Variants in ADAMTS20 observed in about 807,000 individuals in gnomAD.
ADAMTS20 encodes the protein A disintegrin and metalloproteinase with thrombospondin motifs 20.
ADAMTS20 carries 225 observed loss-of-function variants against 260.1 expected under a neutral mutation model. That is an observed-to-expected ratio of 0.87 (90% CI 0.78 to 0.97). The LOEUF is 0.97. Ranked by LOEUF, ADAMTS20 falls within the 50% of genes least tolerant of loss-of-function variation. The pLI is 0.00. For synonymous variants in ADAMTS20, 802 were observed against 769.5 expected (o/e 1.04, Z -0.70); for missense variants, 2,400 against 2,337.7 (o/e 1.03, Z -0.55).
rs186185530 is a variant in ADAMTS20 at position 43,479,359 on chromosome 12, A to G, written c.1118-10654T>C. Among the ~76,000 whole-genome samples, 126 of 152,316 alleles carry G rather than the reference A, an allele frequency of 8.3e-4. 1 individual carries two copies. The highest frequency in any genetic ancestry group is 9.2e-4 in the Admixed American group (14 of 15,300). Reference sequence around the variant, plus strand: ...ACACAATTAGCAAATTTGATTTAATAGACAAATACAGAACTCAAAGAATAT... The same window carrying G: ...ACACAATTAGCAAATTTGATTTAATGGACAAATACAGAACTCAAAGAATAT... On this transcript the variant is annotated intron_variant, in intron 7 of 38. Coordinates refer to ENST00000389420, the MANE Select transcript of ADAMTS20 (RefSeq NM_025003.5).
chr12:43,531,361 G>T (rs2137502571), intron 3 of ADAMTS20, among the ~76,000 whole-genome samples: 1 of 151,698 alleles, frequency 6.6e-6, no homozygotes, highest in Non-Finnish European at 1.5e-5. Context: ...TAATACTAAT[G>T]TGACTAACAG....
chr12:43,413,545 C>G (rs1941072788), intron 28 of ADAMTS20, among the ~76,000 whole-genome samples: 1 of 151,930 alleles, frequency 6.6e-6, no homozygotes, highest in Non-Finnish European at 1.5e-5. Flanking sequence ...TAGAGTAATT[C>G]TTACTATTAA....
intron 23 of ADAMTS20, 40 bp from the exon 24 acceptor site, chr12:43,429,764 A>G (rs757657761): frequency 2.3e-6 from 3 of 1,298,600 alleles, no homozygotes; most frequent in South Asian, 2.8e-5. Flanking sequence ...ACATTAATTA[A>G]TGACTGATTT....
rs1346442212 is a variant in ADAMTS20 at position 43,493,019 on chromosome 12, A to G, written c.951+151T>C. ...GTTGTCATTCTATTTTATTTCCATC[A>G]CAACAAATAAGGGTAATCTCATTCC... On this transcript the variant is annotated intron_variant, in intron 5 of 38. Coordinates refer to ENST00000389420, the MANE Select transcript of ADAMTS20 (RefSeq NM_025003.5). The G allele has an allele frequency of 9.4e-5, 60 of 636,634 alleles. No homozygotes were observed. In the Admixed American group the frequency reaches 1.9e-3, roughly 20 times the overall value. 39.4% of individuals were successfully genotyped at this position (636,634 alleles called of 1,614,324 possible). A position where few individuals can be genotyped will look rare whatever the true frequency, so the allele number is the denominator to read the frequency against.
At chr12:43,524,670 T>C (rs1943117374) in intron 3 of ADAMTS20, among the ~76,000 whole-genome samples, 1 of 152,032 alleles carries the variant, frequency 6.6e-6, no homozygotes, top group African/African-American at 2.4e-5. Flanking sequence ...GAAAAATCAA[T>C]CAGAACTTCT....
chr12:43,354,911 C>A (rs907446536), intron 38 of ADAMTS20, among the ~76,000 whole-genome samples: 4 of 152,144 alleles, frequency 2.6e-5, no homozygotes, highest in Admixed American at 2.6e-4. Context: ...ATAAGCAGAG[C>A]AGTTCACTGA....
chr12:43,468,621 A>ATT lies in ADAMTS20; in HGVS notation c.1201_1202insAA (p.Ile401LysfsTer2). 6.2e-7 allele frequency: 1 copy of ATT among 1,609,290 alleles called. No individual in the cohort carries two copies. The highest frequency in any genetic ancestry group is 1.1e-5 in the South Asian group (1 of 90,574). On this transcript the variant is annotated frameshift_variant, in exon 8 of 39. Coordinates refer to ENST00000389420, the MANE Select transcript of ADAMTS20 (RefSeq NM_025003.5). LOFTEE classifies it high-confidence loss of function. ...TTACGTGTGCCCAAGCTCATGGGCT[A>ATT]TAGTAAAAGCAGAAATGAGTCCTTT...
intron 11 of ADAMTS20, among the ~76,000 whole-genome samples, chr12:43,456,122 A>AT (rs1466136043): frequency 6.6e-6 from 1 of 152,184 alleles, no homozygotes; most frequent in Non-Finnish European, 1.5e-5. Flanking sequence ...TATGGCTTAT[A>AT]TTTTGGATGT....
intron 18 of ADAMTS20, among the ~76,000 whole-genome samples, chr12:43,438,149 A>G (rs1038165537): frequency 1.3e-4 from 20 of 152,224 alleles, no homozygotes; most frequent in Non-Finnish European, 2.9e-4. Flanking sequence ...CGATTGTTTA[A>G]GAGAACTCTC....
chr12:43,543,213 T>C (rs1943399980), intron 2 of ADAMTS20, among the ~76,000 whole-genome samples: 1 of 152,122 alleles, frequency 6.6e-6, no homozygotes, highest in Non-Finnish European at 1.5e-5. Context: ...CTTGGAAGGC[T>C]GAATCAGAAG....
At position 43,440,211 on chromosome 12, in the gene ADAMTS20, T is replaced by C. The variant is rs536491155; in HGVS notation, c.2291-142A>G. 55 of 642,348 alleles carry C rather than the reference T, an allele frequency of 8.6e-5. No individual in the cohort carries two copies. The African/African-American group carries it at 9.8e-4, about 11-fold the overall frequency. The allele number at this position is 642,348 out of a possible 1,614,324, so 39.8% of individuals were successfully genotyped here. A position where few individuals can be genotyped will look rare whatever the true frequency, so the allele number is the denominator to read the frequency against. On this transcript the variant is annotated intron_variant, in intron 16 of 38. Coordinates refer to ENST00000389420, the MANE Select transcript of ADAMTS20 (RefSeq NM_025003.5). ...CAGGCTGGAGTACAGTGGCACAATATTGGCTCACTGTAACCTTCGCCTCGC... is the reference window on the plus strand; with the variant it reads ...CAGGCTGGAGTACAGTGGCACAATACTGGCTCACTGTAACCTTCGCCTCGC...
At chr12:43,500,297 G>A (rs564890220) in intron 4 of ADAMTS20, among the ~76,000 whole-genome samples, 3 of 152,278 alleles carry the variant, frequency 2.0e-5, no homozygotes, top group East Asian at 1.9e-4. Flanking sequence ...TCAAAGTGGT[G>A]CGATTACAGG....
At chr12:43,446,474 AT>A (rs2137338888) in intron 15 of ADAMTS20, 120 bp downstream of exon 15, 1 of 664,054 alleles carries the variant, frequency 1.5e-6, no homozygotes, top group Non-Finnish European at 2.4e-6. Context: ...CTTAACAATC[AT>A]TTTGGACTAA....
intron 11 of ADAMTS20, among the ~76,000 whole-genome samples, chr12:43,459,038 G>A (rs191214408): frequency 5.9e-5 from 9 of 152,114 alleles, no homozygotes; most frequent in Non-Finnish European, 1.0e-4. Flanking sequence ...CCAGACATTC[G>A]AGCCTGCAAT....
chr12:43,501,467 G>GCGCA (rs1555137712), intron 4 of ADAMTS20, among the ~76,000 whole-genome samples: 5 of 31,036 alleles, frequency 1.6e-4, no homozygotes, highest in Non-Finnish European at 2.8e-4. Flanking sequence ...GGATACGCGC[G>GCGCA]CGCGCGCGCG....
At chr12:43,429,360 G>A (rs989241818) in intron 24 of ADAMTS20, among the ~76,000 whole-genome samples, 2 of 152,112 alleles carry the variant, frequency 1.3e-5, no homozygotes, top group Non-Finnish European at 2.9e-5. Context: ...AACCTGTGAC[G>A]TAAGTATTAT....
Position 43,376,574 on chromosome 12 carries a change from C to T in ADAMTS20, c.5075G>A (p.Cys1692Tyr), listed in dbSNP as rs1940233362. 4 of 1,613,506 alleles carry T rather than the reference C, an allele frequency of 2.5e-6. 1 individual carries two copies. The African/African-American group carries it at 4.0e-5, about 16-fold the overall frequency. The change falls in exon 33 of 39, where the codon TGT becomes TAT. Residue 1692 changes from cysteine to tyrosine, a missense_variant. Coordinates refer to ENST00000389420, the MANE Select transcript of ADAMTS20 (RefSeq NM_025003.5). ...AGCACCTGGTTTTAAATGGTTTAAACATAAGTCACTGGACAAACCATGTTT... is the reference window on the plus strand; with the variant it reads ...AGCACCTGGTTTTAAATGGTTTAAATATAAGTCACTGGACAAACCATGTTT... ...ITKHGLSSDLCLNHLKPGAQK... is the reference protein window; with the variant it reads ...ITKHGLSSDLYLNHLKPGAQK...
intron 2 of ADAMTS20, among the ~76,000 whole-genome samples, chr12:43,538,703 T>C (rs1943331054): frequency 6.6e-6 from 1 of 152,222 alleles, no homozygotes; most frequent in Non-Finnish European, 1.5e-5. Flanking sequence ...GCCATTTAAA[T>C]GATCATGGCA....
Position 43,431,467 on chromosome 12 carries a change from C to T in ADAMTS20, c.3126G>A (p.Lys1042=), listed in dbSNP as rs777120065. The T allele has an allele frequency of 6.2e-7, 1 of 1,613,870 alleles. No individual in the cohort carries two copies. The highest frequency in any genetic ancestry group is 1.3e-5 in the African/African-American group (1 of 74,936). The change falls in exon 22 of 39, where the codon AAG becomes AAA. Residue 1042 remains lysine, a synonymous_variant. Coordinates refer to ENST00000389420, the MANE Select transcript of ADAMTS20 (RefSeq NM_025003.5). The part of the protein sequence containing the change: ...ECLVTCGKGT[K]QRQVWCQLNV... Reference sequence around the variant, plus strand: ...TCAGCTGACACCATACCTGCCGCTGCTTTGTTCCTTTACCACATGTAACAA... The same window carrying T: ...TCAGCTGACACCATACCTGCCGCTGTTTTGTTCCTTTACCACATGTAACAA...
Sources: allele counts gnomAD v4.1 joint callset (sites outside exome capture counted in the v4.1 genomes callset), GRCh38; gene constraint gnomAD v4.1.1; transcripts MANE v1.5; gene names NCBI Gene and HGNC (gene_info 2026-07-23, HGNC 2026-07-21).